RCC1L: variants seen among roughly 807,000 people sequenced by gnomAD.
The protein encoded by RCC1L is RCC1-like G exchanging factor-like protein.
A neutral mutation model predicts 58.6 loss-of-function variants in RCC1L; 46 were observed. That is an observed-to-expected ratio of 0.79 (90% confidence interval 0.62 to 1.00). The LOEUF is 1.00. Among genes scored for constraint, RCC1L ranks in the 50% least tolerant of loss-of-function variants. The pLI is 0.00. For synonymous variants in RCC1L, 281 were observed against 262.9 expected, an observed-to-expected ratio of 1.07 and a Z score of -0.67; for missense variants, 636 against 623.6, an observed-to-expected ratio of 1.02 and a Z score of -0.21.
intron 10 of RCC1L, among the ~76,000 whole-genome samples, chr7:75,044,720 GTTTGT>G (rs1355237520): frequency 4.6e-5 from 7 of 151,722 alleles, no homozygotes; most frequent in African/African-American, 1.7e-4. Flanking sequence ...CTTTCCAGAG[GTTTGT>G]TTTGTTTTTG....
intron 10 of RCC1L, among the ~76,000 whole-genome samples, chr7:75,031,312 C>T (rs969135233): frequency 1.1e-4 from 17 of 152,100 alleles, no homozygotes; most frequent in South Asian, 2.1e-4. Flanking sequence ...GCAGCAGCAG[C>T]GGCGTTCCAT....
At chr7:75,069,237 GGCTGGA>G (rs1554445678) in intron 2 of RCC1L, among the ~76,000 whole-genome samples, 1 of 151,790 alleles carries the variant, frequency 6.6e-6, no homozygotes, top group African/African-American at 2.4e-5. Flanking sequence ...CTGTTGCCCA[GGCTGGA>G]GTGCGGTGGC....
At chr7:75,062,553 T>G (rs1478482944) in intron 5 of RCC1L, among the ~76,000 whole-genome samples, 1 of 152,206 alleles carries the variant, frequency 6.6e-6, no homozygotes, top group East Asian at 1.9e-4. Flanking sequence ...TATCACAGTA[T>G]GATTAGTGCT....
chr7:75,040,362 A>G (rs1805525392), downstream of RCC1L, among the ~76,000 whole-genome samples: 1 of 152,238 alleles, frequency 6.6e-6, no homozygotes, highest in Non-Finnish European at 1.5e-5. Flanking sequence ...CGGGAGGCTA[A>G]GGCAAGAGAA....
chr7:75,055,765 T>C, intron 9 of RCC1L, 136 bp downstream of exon 9: 1 of 997,290 alleles, frequency 1.0e-6, no homozygotes, highest in Non-Finnish European at 1.5e-6. Flanking sequence ...GGCTTAGCCC[T>C]TGCTTGAGTT....
intron 10 of RCC1L, among the ~76,000 whole-genome samples, chr7:75,030,163 G>T (rs1228877418): frequency 1.3e-5 from 2 of 152,246 alleles, no homozygotes; most frequent in African/African-American, 4.8e-5. Context: ...GAAGTGCAGG[G>T]TGGCCTGTGT....
rs1212608729 is a variant in RCC1L, at chr7:75,072,155, C to CATAT, written c.324+1255_324+1258dup. Among the ~76,000 whole-genome samples the CATAT allele has an allele frequency of 8.5e-3, 409 of 47,972 alleles. 13 individuals are homozygous for CATAT. Among genetic ancestry groups the CATAT allele is most frequent in the East Asian group, 0.022 (18 of 836 alleles). The allele number at this position is 47,972 out of a possible 152,430, so 31.5% of individuals were successfully genotyped here. A position where few individuals can be genotyped will look rare whatever the true frequency, so the allele number is the denominator to read the frequency against. On this transcript the variant is annotated intron_variant, in intron 1 of 10. Transcript: ENST00000610322. Reference sequence around the variant, plus strand: ...TTTTAAATTTATACATATACATATACATATACATATATATATATATATATA... The same window carrying CATAT: ...TTTTAAATTTATACATATACATATACATATATATACATATATATATATATATATA...
chr7:75,060,908 C>A (rs1806255058), intron 6 of RCC1L, among the ~76,000 whole-genome samples: 1 of 151,924 alleles, frequency 6.6e-6, no homozygotes, highest in Non-Finnish European at 1.5e-5. Context: ...ATGGCGAAAC[C>A]CTGTTGTTAC....
chr7:75,042,485 C>A lies in RCC1L; in HGVS notation c.*547G>T, dbSNP rs1369739298. 2 of 989,664 alleles carry A rather than the reference C, an allele frequency of 2.0e-6. No homozygotes were observed. The highest frequency in any genetic ancestry group is 3.5e-5 in the African/African-American group (2 of 57,276). 61.3% of individuals were successfully genotyped at this position (989,664 alleles called of 1,614,324 possible). On this transcript the variant is annotated 3_prime_UTR_variant, in exon 11 of 11. Transcript: ENST00000610322. ...CCAGATGGAATCCCAGGCCACGGTG[C>A]TTCTAGTGTCCCCCCAGCGAGCTTG...
At chr7:75,065,611 G>A (rs1806444034) in intron 3 of RCC1L, among the ~76,000 whole-genome samples, 1 of 152,080 alleles carries the variant, frequency 6.6e-6, no homozygotes, top group African/African-American at 2.4e-5. Flanking sequence ...ACCTTTCCCT[G>A]GAAAAACCCC....
rs782390501 is a variant in RCC1L, at chr7:75,070,706, T to G, written c.388A>C (p.Lys130Gln). ...LLSSKTADVT[K>Q]VWGMGLNKDS... ...TTGTTGAGTCCCATCCCCCAGACTT[T>G]CGTAACATCCGCAGTCTTAGAGGAC... Residue 130 changes from lysine (K) to glutamine (Q), a missense_variant, in exon 2 of 11, where the codon AAA becomes CAA. Lys to Gln is a moderately conservative substitution (Grantham distance 53). Transcript: ENST00000610322. 4 of 1,614,118 alleles carry G rather than the reference T, an allele frequency of 2.5e-6. 1 individual carries two copies. The South Asian group carries it at 4.4e-5, about 18-fold the overall frequency.
chr7:75,048,374 C>T (rs1805808816), intron 10 of RCC1L, among the ~76,000 whole-genome samples: 1 of 152,162 alleles, frequency 6.6e-6, no homozygotes, highest in East Asian at 1.9e-4. Context: ...TGTCTCCAGA[C>T]CCCACCGGTC....
Position 75,043,003 on chromosome 7 carries a change from A to G in RCC1L, c.*29T>C. ...CCAAGGAGTGCCAGTGGTTCCCGGG[A>G]CGGGGCCGCCCAAGCAGGTGAGGGA... is the stretch of plus-strand genomic sequence containing the variant. On this transcript the variant is annotated 3_prime_UTR_variant, in exon 11 of 11. Coordinates refer to ENST00000610322, the MANE Select transcript of RCC1L (RefSeq NM_030798.5). 1 of 1,613,998 alleles carries G rather than the reference A, an allele frequency of 6.2e-7. No homozygotes were observed. Among genetic ancestry groups the G allele is most frequent in the African/African-American group, 1.3e-5 (1 of 75,070 alleles).
chr7:75,031,607 G>T (rs1805308475), intron 10 of RCC1L, among the ~76,000 whole-genome samples: 1 of 152,066 alleles, frequency 6.6e-6, no homozygotes, highest in Non-Finnish European at 1.5e-5. Context: ...CCACACTGTG[G>T]TCGGGGGAAC....
chr7:75,029,229 G>A (rs946940107), intron 10 of RCC1L, among the ~76,000 whole-genome samples: 2 of 152,162 alleles, frequency 1.3e-5, no homozygotes, highest in Non-Finnish European at 2.9e-5. Flanking sequence ...GATACCCTGG[G>A]GAGTCCTAAG....
rs940414438 is a variant in RCC1L at position 75,027,621 on chromosome 7, C to T, written c.*411G>A. ...GGAGAAAAGCATGTGTGTCGGGGCG[C>T]GCTGGGGCCAGGGTATGGCTCTCCG... On this transcript the variant is annotated 3_prime_UTR_variant, in exon 11 of 11. Transcript: ENST00000614461. 935 of 209,140 alleles carry T rather than the reference C, an allele frequency of 4.5e-3. 9 individuals carry two copies. Among genetic ancestry groups the T allele is most frequent in the African/African-American group, 0.019 (816 of 42,292 alleles). 13.0% of individuals were successfully genotyped at this position (209,140 alleles called of 1,614,324 possible). A position where few individuals can be genotyped will look rare whatever the true frequency, so the allele number is the denominator to read the frequency against.
chr7:75,073,284 C>G (rs1806832169), intron 1 of RCC1L, 130 bp downstream of exon 1: 1 of 460,310 alleles, frequency 2.2e-6, no homozygotes, highest in African/African-American at 2.0e-5. Flanking sequence ...TTGCAGCCAG[C>G]TCGAGGGTCG....
At chr7:75,073,378 G>A in intron 1 of RCC1L, 36 bp downstream of exon 1, 1 of 949,742 alleles carries the variant, frequency 1.1e-6, no homozygotes, top group Non-Finnish European at 1.4e-6. Context: ...GCGCGGAAGA[G>A]AGAGAAGGAG....
intron 9 of RCC1L, 92 bp downstream of exon 9, chr7:75,055,809 G>T: frequency 2.0e-6 from 3 of 1,483,216 alleles, no homozygotes; most frequent in South Asian, 1.2e-5. Context: ...TTGGATGGGT[G>T]GAACCTGAGA....
Sources: allele counts gnomAD v4.1 joint callset (sites outside exome capture counted in the v4.1 genomes callset), GRCh38; gene constraint gnomAD v4.1.1; transcripts MANE v1.5; gene names NCBI Gene and HGNC (gene_info 2026-07-23, HGNC 2026-07-21).